Variants in TSPAN18 observed in about 807,000 individuals in gnomAD.
The protein encoded by TSPAN18 is tetraspanin 18, also known as tetraspanin-18.
A neutral mutation model predicts 27.3 loss-of-function variants in TSPAN18; 14 were observed. That is an observed-to-expected ratio of 0.51 (90% CI 0.34 to 0.80). The LOEUF is 0.80. TSPAN18 is among the 30% of genes least tolerant of loss of function. The probability of loss-of-function intolerance (pLI) is 0.01; values close to 1 mark genes in which losing one functional copy is unlikely to be tolerated. For missense variants in TSPAN18, 268 were observed against 323.9 expected (o/e 0.83, Z 1.32); for synonymous variants, 143 against 136.5 (o/e 1.05, Z -0.33).
intron 3 of TSPAN18, among the ~76,000 whole-genome samples, chr11:44,877,314 A>C (rs2135250500): frequency 6.6e-6 from 1 of 152,232 alleles, no homozygotes; most frequent in South Asian, 2.1e-4. Flanking sequence ...GGTTCATCTA[A>C]TGGACATTGG....
intron 3 of TSPAN18, among the ~76,000 whole-genome samples, chr11:44,871,886 T>C (rs1176921970): frequency 6.6e-6 from 1 of 152,176 alleles, no homozygotes; most frequent in Non-Finnish European, 1.5e-5. Context: ...CTTTTCTCCA[T>C]GCACAGAGAC....
chr11:44,866,873 A>G (rs1412980582), intron 3 of TSPAN18, among the ~76,000 whole-genome samples: 1 of 152,162 alleles, frequency 6.6e-6, no homozygotes, highest in Non-Finnish European at 1.5e-5. Context: ...CTTGGCCACC[A>G]TCTTCGGAAA....
At chr11:44,795,487 G>A (rs1856328004) in intron 2 of TSPAN18, among the ~76,000 whole-genome samples, 1 of 152,110 alleles carries the variant, frequency 6.6e-6, no homozygotes, top group Admixed American at 6.5e-5. Context: ...CATCCAAGCA[G>A]TAGGGCAGTG....
At chr11:44,726,924 C>CGGGGGAGGGGGAGGGGG (rs1854525094), upstream of TSPAN18, 2 of 106,400 alleles carry the variant, frequency 1.9e-5, no homozygotes, top group African/African-American at 3.5e-5. Flanking sequence ...GAGGGACGGA[C>CGGGGGAGGGGGAGGGGG]GGCGGCGGAG....
At chr11:44,922,110 A>G (rs1590698214) in intron 8 of TSPAN18, among the ~76,000 whole-genome samples, 1 of 130,208 alleles carries the variant, frequency 7.7e-6, no homozygotes, top group South Asian at 2.6e-4. Flanking sequence ...CTTAAAGCCC[A>G]GGATGCATTT....
At position 44,908,769 on chromosome 11, in the gene TSPAN18, GAGAAAGAA is replaced by G. The variant is rs370907948; in HGVS notation, c.64-882_64-875del. 8.4e-3 allele frequency among the ~76,000 whole-genome samples: 605 copies of G among 71,686 alleles called. 34 individuals are homozygous for G. The highest frequency in any genetic ancestry group is 0.027 in the East Asian group (62 of 2,294). The allele number at this position is 71,686 out of a possible 152,430, so 47.0% of individuals were successfully genotyped here. On this transcript the variant is annotated intron_variant, in intron 4 of 9. Transcript: ENST00000520358. Reference sequence around the variant, plus strand: ...AAGAGAGAGAGAGAGAGAGAGAAAGGAGAAAGAAAGAAAGAAAGAAAGAAAGAAAGAAA... The same window carrying G: ...AAGAGAGAGAGAGAGAGAGAGAAAGGAGAAAGAAAGAAAGAAAGAAAGAAA...
chr11:44,759,986 G>A (rs1442681980), intron 1 of TSPAN18, among the ~76,000 whole-genome samples: 2 of 152,226 alleles, frequency 1.3e-5, no homozygotes, highest in Admixed American at 6.5e-5. Context: ...GAGGGGAGGG[G>A]TGAAACTCAG....
At chr11:44,806,417 G>A (rs529894245) in intron 2 of TSPAN18, among the ~76,000 whole-genome samples, 18 of 152,284 alleles carry the variant, frequency 1.2e-4, no homozygotes, top group Admixed American at 7.8e-4. Context: ...TGTTGGGTGC[G>A]TAGTGCTAGA....
chr11:44,813,742 A>G (rs1440674836), intron 2 of TSPAN18, among the ~76,000 whole-genome samples: 1 of 152,230 alleles, frequency 6.6e-6, no homozygotes, highest in East Asian at 1.9e-4. Context: ...GTTATTTTGC[A>G]AGAGGCACAA....
intron 2 of TSPAN18, among the ~76,000 whole-genome samples, chr11:44,819,226 C>A (rs1856876357): frequency 6.6e-6 from 1 of 152,054 alleles, no homozygotes; most frequent in African/African-American, 2.4e-5. Flanking sequence ...CACCTCTAGG[C>A]TCCTGCTCTG....
At chr11:44,748,696 A>G (rs958310243) in intron 1 of TSPAN18, among the ~76,000 whole-genome samples, 2 of 152,168 alleles carry the variant, frequency 1.3e-5, no homozygotes, top group Non-Finnish European at 2.9e-5. Context: ...CCGCACTTTT[A>G]TTCTTCTCAT....
chr11:44,928,969 G>A (rs1860468963), intron 9 of TSPAN18, among the ~76,000 whole-genome samples, 162 bp from the exon 10 acceptor site: 1 of 152,190 alleles, frequency 6.6e-6, no homozygotes, highest in African/African-American at 2.4e-5. Context: ...GCCAGGTAGG[G>A]GCTGGTGAGA....
At chr11:44,921,751 C>A (rs1371553790) in intron 8 of TSPAN18, among the ~76,000 whole-genome samples, 1 of 152,148 alleles carries the variant, frequency 6.6e-6, no homozygotes, top group South Asian at 2.1e-4. Flanking sequence ...TTGAGATGCC[C>A]GTTGCCAACA....
At chr11:44,901,193 C>T (rs1859251468) in intron 3 of TSPAN18, 1 of 152,180 alleles carries the variant, frequency 6.6e-6, no homozygotes, top group Non-Finnish European at 1.5e-5. Context: ...CCCAGGCTCA[C>T]ATCATCTATT....
intron 3 of TSPAN18, among the ~76,000 whole-genome samples, chr11:44,889,028 G>A (rs1259780785): frequency 2.6e-5 from 4 of 152,190 alleles, no homozygotes; most frequent in Admixed American, 6.5e-5. Context: ...GCTCACACTC[G>A]CCTCTCTCTC....
Position 44,886,974 on chromosome 11 carries a change from A to G in TSPAN18, c.-10-19433A>G, listed in dbSNP as rs377638268. Reference sequence around the variant, plus strand: ...TGTAGAGCAAGAGGCTGGAGCCAGAACTCCAGCTGACTCATCTTCATTATG... The same window carrying G: ...TGTAGAGCAAGAGGCTGGAGCCAGAGCTCCAGCTGACTCATCTTCATTATG... On this transcript the variant is annotated intron_variant, in intron 3 of 9. Transcript: ENST00000520358. Among the ~76,000 whole-genome samples, 139 of 152,168 alleles carry G rather than the reference A, an allele frequency of 9.1e-4. 4 individuals carry two copies. The Middle Eastern group carries it at 0.014, about 15-fold the overall frequency.
intron 1 of TSPAN18, among the ~76,000 whole-genome samples, chr11:44,734,272 G>A (rs1261808574): frequency 6.6e-6 from 1 of 152,206 alleles, no homozygotes; most frequent in African/African-American, 2.4e-5. Context: ...CTCCTTTGTA[G>A]CAACACACAC....
chr11:44,917,877 G>A (rs557868845), intron 5 of TSPAN18, 95 bp from the exon 6 acceptor site: 35 of 1,143,248 alleles, frequency 3.1e-5, no homozygotes, highest in Middle Eastern at 2.1e-4. Flanking sequence ...AGTATACTGC[G>A]TCACTGGTGT....
At chr11:44,905,820 G>A (rs964436054) in intron 3 of TSPAN18, among the ~76,000 whole-genome samples, 1 of 152,178 alleles carries the variant, frequency 6.6e-6, no homozygotes, top group Non-Finnish European at 1.5e-5. Context: ...GGAGGCTTTG[G>A]CCCCAGAAGC....
Sources: allele counts gnomAD v4.1 joint callset (sites outside exome capture counted in the v4.1 genomes callset), GRCh38; gene constraint gnomAD v4.1.1; transcripts MANE v1.5; gene names NCBI Gene and HGNC (gene_info 2026-07-23, HGNC 2026-07-21).